LPGAT1: variants seen among roughly 807,000 people sequenced by gnomAD.
The protein encoded by LPGAT1 is lysophosphatidylglycerol acyltransferase 1, also known as acyl-CoA:lysophosphatidylglycerol acyltransferase 1.
LPGAT1 carries 11 observed loss-of-function variants against 47.5 expected under a neutral mutation model. That is an observed-to-expected ratio of 0.23 (90% CI 0.15 to 0.38). The LOEUF is 0.38. Among genes scored for constraint, LPGAT1 ranks in the 10% least tolerant of loss-of-function variants. LPGAT1 has a pLI of 1.00. For missense variants in LPGAT1, 293 were observed against 439.0 expected, an observed-to-expected ratio of 0.67 and a Z score of 2.97; for synonymous variants, 138 against 144.2, an observed-to-expected ratio of 0.96 and a Z score of 0.31.
At chr1:211,766,271 C>A (rs1657909157) in intron 6 of LPGAT1, among the ~76,000 whole-genome samples, 1 of 152,154 alleles carries the variant, frequency 6.6e-6, no homozygotes, top group Non-Finnish European at 1.5e-5. Context: ...TTTCCCAGGC[C>A]TCCAGCTTAC....
In LPGAT1 at chr1:211,830,706, C is replaced by G; in HGVS notation, c.-161G>C. ...CTCCGGCTGTGGCGCGGCCCGCGCC[C>G]GTTCCCCGGCGGCGCCGAGACTCGG... On this transcript the variant is annotated 5_prime_UTR_variant, in exon 1 of 8. Coordinates refer to ENST00000366997, the MANE Select transcript of LPGAT1 (RefSeq NM_014873.3). This position sits in a 1 kb window ranked among gnomAD's most constrained non-coding sequence, Gnocchi z 5.9. The G allele has an allele frequency of 8.4e-7, 1 of 1,186,282 alleles. No homozygotes were observed. Among genetic ancestry groups the G allele is most frequent in the East Asian group, 3.7e-5 (1 of 27,324 alleles). The allele number at this position is 1,186,282 out of a possible 1,614,324, so 73.5% of individuals were successfully genotyped here.
chr1:211,825,188 CTTTTTTTTT>C (rs953536979), intron 2 of LPGAT1, among the ~76,000 whole-genome samples: 3 of 70,860 alleles, frequency 4.2e-5, no homozygotes, highest in South Asian at 5.9e-4. Context: ...GCACAGTCTT[CTTTTTTTTT>C]TTTTTTTTTT....
intron 2 of LPGAT1, among the ~76,000 whole-genome samples, chr1:211,810,441 G>A (rs1036876204): frequency 2.6e-5 from 4 of 152,110 alleles, no homozygotes; most frequent in Admixed American, 2.0e-4. Flanking sequence ...ATGCCCTGGA[G>A]TACAGATAGA....
Position 211,747,901 on chromosome 1 carries a change from C to T in LPGAT1, c.*1998G>A, listed in dbSNP as rs1657007726. On this transcript the variant is annotated 3_prime_UTR_variant, in exon 8 of 8. Coordinates refer to ENST00000366997, the MANE Select transcript of LPGAT1 (RefSeq NM_014873.3). ...TAACAACCAGTCCCCAAACCAAACA[C>T]ATTAACACTGTCTTCTGCATTTTAC... The T allele has an allele frequency of 6.6e-6, 1 of 152,590 alleles. No homozygotes were observed. The highest frequency in any genetic ancestry group is 6.5e-5 in the Admixed American group (1 of 15,274). 9.5% of individuals were successfully genotyped at this position (152,590 alleles called of 1,614,324 possible).
chr1:211,807,108 T>C (rs1208828937), intron 2 of LPGAT1, among the ~76,000 whole-genome samples: 1 of 152,188 alleles, frequency 6.6e-6, no homozygotes, highest in African/African-American at 2.4e-5. Context: ...CTATCAATCA[T>C]ATTTATTTAT....
intron 2 of LPGAT1, among the ~76,000 whole-genome samples, chr1:211,809,996 G>C (rs971819351): frequency 6.6e-6 from 1 of 152,080 alleles, no homozygotes; most frequent in African/African-American, 2.4e-5. Context: ...AAAAGCTTTA[G>C]AACTGAACTA....
In LPGAT1 at chr1:211,746,498, G is replaced by T. The variant is rs1656947557; in HGVS notation, c.*3401C>A. ...ACAACTTAAATCATTTAATTAGTAA[G>T]CGTCCCTAGAAAAAAAATGTCTGAT... On this transcript the variant is annotated 3_prime_UTR_variant, in exon 8 of 8. Coordinates refer to ENST00000366997, the MANE Select transcript of LPGAT1 (RefSeq NM_014873.3). 6.6e-6 allele frequency: 1 copy of T among 152,064 alleles called. No homozygotes were observed. The highest frequency in any genetic ancestry group is 2.1e-4 in the South Asian group (1 of 4,832). The allele number at this position is 152,064 out of a possible 1,614,324, so 9.4% of individuals were successfully genotyped here.
chr1:211,806,890 G>T (rs1359601739), intron 2 of LPGAT1, among the ~76,000 whole-genome samples: 1 of 152,060 alleles, frequency 6.6e-6, no homozygotes, highest in African/African-American at 2.4e-5. Context: ...ATAAGGCAGA[G>T]ATGTCCACTC....
rs972888189 is a variant in LPGAT1, at chr1:211,830,569, T to G, written c.-28+4A>C. 75 of 1,054,054 alleles carry G rather than the reference T, an allele frequency of 7.1e-5. No homozygotes were observed. The highest frequency in any genetic ancestry group is 8.2e-5 in the Non-Finnish European group (72 of 877,060). 65.3% of individuals were successfully genotyped at this position (1,054,054 alleles called of 1,614,324 possible). A position where few individuals can be genotyped will look rare whatever the true frequency, so the allele number is the denominator to read the frequency against. On this transcript the variant is annotated splice_donor_region_variant and intron_variant, in intron 1 of 7. Coordinates refer to ENST00000366997, the MANE Select transcript of LPGAT1 (RefSeq NM_014873.3). The surrounding 1 kb of genome is among the most constrained non-coding windows in gnomAD (Gnocchi z 5.9). ...GGGCCTGCGACCGCGGAGCCGGAGG[T>G]TACCTCGGGCTGGCCGGGCCCCAGC...
rs1191295465 is a variant in LPGAT1, at chr1:211,749,364, T to A, written c.*535A>T. On this transcript the variant is annotated 3_prime_UTR_variant, in exon 8 of 8. Transcript: ENST00000366997. ...GAGAATGTCAATATTCTAGAGTTTG[T>A]TACTGCAACAGACTGGAGTTTGTTA... 1 of 153,796 alleles carries A rather than the reference T, an allele frequency of 6.5e-6. No individual in the cohort carries two copies. Among genetic ancestry groups the A allele is most frequent in the African/African-American group, 2.4e-5 (1 of 41,176 alleles). The allele number at this position is 153,796 out of a possible 1,614,324, so 9.5% of individuals were successfully genotyped here. A position where few individuals can be genotyped will look rare whatever the true frequency, so the allele number is the denominator to read the frequency against.
Position 211,749,600 on chromosome 1 carries a change from AGATAGTCTTCTAG to A in LPGAT1, c.*286_*298del. On this transcript the variant is annotated 3_prime_UTR_variant, in exon 8 of 8. Coordinates refer to ENST00000366997, the MANE Select transcript of LPGAT1 (RefSeq NM_014873.3). ...AACTGGTGGCAACAGAATTTCTCTC[AGATAGTCTTCTAG>A]GATGATTTTATGATTTCCTCTTCTC... is the stretch of plus-strand genomic sequence containing the variant. 3.2e-6 allele frequency: 1 copy of A among 312,608 alleles called. No individual in the cohort carries two copies. Among genetic ancestry groups the A allele is most frequent in the East Asian group, 9.5e-5 (1 of 10,576 alleles). 19.4% of individuals were successfully genotyped at this position (312,608 alleles called of 1,614,324 possible).
intron 6 of LPGAT1, among the ~76,000 whole-genome samples, chr1:211,777,559 A>G (rs1278876363): frequency 6.6e-6 from 1 of 152,106 alleles, no homozygotes; most frequent in African/African-American, 2.4e-5. Flanking sequence ...AACTACATTA[A>G]AAAAACAAGA....
At chr1:211,784,490 C>CAAAAAA (rs373021672) in intron 4 of LPGAT1, among the ~76,000 whole-genome samples, 1 of 112,540 alleles carries the variant, frequency 8.9e-6, no homozygotes, top group African/African-American at 3.5e-5. Context: ...GACCCTGTCT[C>CAAAAAA]AAAAAAAAAA....
In LPGAT1 at chr1:211,746,737, T is replaced by C. The variant is rs868285407; in HGVS notation, c.*3162A>G. On this transcript the variant is annotated 3_prime_UTR_variant, in exon 8 of 8. Coordinates refer to ENST00000366997, the MANE Select transcript of LPGAT1 (RefSeq NM_014873.3). ...CTTTTGGAATTCTCAGTGAATTTGT[T>C]TGCTTGCCCAAAATATTATTTTCCA... The C allele has an allele frequency of 6.6e-6, 1 of 152,250 alleles. No individual in the cohort carries two copies. The highest frequency in any genetic ancestry group is 2.4e-5 in the African/African-American group (1 of 41,470). The allele number at this position is 152,250 out of a possible 1,614,324, so 9.4% of individuals were successfully genotyped here.
intron 6 of LPGAT1, among the ~76,000 whole-genome samples, chr1:211,757,966 A>G (rs1657534152): frequency 6.6e-6 from 1 of 152,218 alleles, no homozygotes; most frequent in African/African-American, 2.4e-5. Flanking sequence ...CTTCGCTTGC[A>G]GTATATATGA....
At chr1:211,822,865 A>G (rs531246814) in intron 2 of LPGAT1, among the ~76,000 whole-genome samples, 2 of 152,250 alleles carry the variant, frequency 1.3e-5, no homozygotes, top group Non-Finnish European at 2.9e-5. Context: ...ACCCAAAACC[A>G]GAAATTCCAG....
chr1:211,777,393 C>A (rs1478779795), intron 6 of LPGAT1, among the ~76,000 whole-genome samples: 1 of 152,132 alleles, frequency 6.6e-6, no homozygotes, highest in Non-Finnish European at 1.5e-5. Context: ...AGTATATCTC[C>A]TCACTTGTCC....
At chr1:211,826,816 G>C (rs1055513835) in intron 2 of LPGAT1, among the ~76,000 whole-genome samples, 1 of 152,152 alleles carries the variant, frequency 6.6e-6, no homozygotes, top group Non-Finnish European at 1.5e-5. Context: ...TTAATCTGCT[G>C]AGCAGAATTC....
chr1:211,787,396 GA>G (rs1275296270), intron 4 of LPGAT1, among the ~76,000 whole-genome samples: 1 of 150,446 alleles, frequency 6.6e-6, no homozygotes, highest in Non-Finnish European at 1.5e-5. Context: ...GCTGAGGCAT[GA>G]GAATCACTTG....
Sources: allele counts gnomAD v4.1 joint callset (sites outside exome capture counted in the v4.1 genomes callset), GRCh38; gene constraint gnomAD v4.1.1; non-coding constraint Gnocchi (gnomAD v3.1); transcripts MANE v1.5; gene names NCBI Gene and HGNC (gene_info 2026-07-23, HGNC 2026-07-21).